Variants in ADAM23 observed in about 807,000 individuals in gnomAD.
ADAM23 encodes the protein disintegrin and metalloproteinase domain-containing protein 23.
In ADAM23, 33 loss-of-function variants were observed where a neutral mutation model predicts 120.1. That is an observed-to-expected ratio of 0.27 (90% CI 0.21 to 0.37). ADAM23 has a LOEUF of 0.37. Among genes scored for constraint, ADAM23 ranks in the 10% least tolerant of loss-of-function variants. ADAM23 has a pLI of 1.00. For missense variants in ADAM23, 862 were observed against 1,058.2 expected, an observed-to-expected ratio of 0.81 and a Z score of 2.57; for synonymous variants, 367 against 375.2, an observed-to-expected ratio of 0.98 and a Z score of 0.25.
At chr2:206,538,250 C>G (rs1697221261) in intron 4 of ADAM23, among the ~76,000 whole-genome samples, 1 of 151,952 alleles carries the variant, frequency 6.6e-6, no homozygotes, top group African/African-American at 2.4e-5. Context: ...CTCAAGTTCC[C>G]CAAGTCTCCA....
At chr2:206,468,305 T>C (rs1695582975) in intron 2 of ADAM23, among the ~76,000 whole-genome samples, 1 of 152,198 alleles carries the variant, frequency 6.6e-6, no homozygotes, top group Non-Finnish European at 1.5e-5. Context: ...ACATAAGTTC[T>C]AGTTTCAGTT....
intron 18 of ADAM23, among the ~76,000 whole-genome samples, chr2:206,578,891 C>A (rs540011306): frequency 1.3e-5 from 2 of 152,240 alleles, no homozygotes; most frequent in South Asian, 4.2e-4. Flanking sequence ...ACTGCATCCA[C>A]GCCAGTGTCT....
chr2:206,497,667 A>C (rs1696286592), intron 3 of ADAM23, among the ~76,000 whole-genome samples: 1 of 152,192 alleles, frequency 6.6e-6, no homozygotes, highest in Admixed American at 6.6e-5. Flanking sequence ...GTCAGGCAGG[A>C]GAAGGGAATA....
chr2:206,480,422 T>C (rs77081251), intron 2 of ADAM23, among the ~76,000 whole-genome samples: 12,653 of 151,636 alleles, frequency 0.083, 649 homozygotes, highest in Admixed American at 0.13. Flanking sequence ...CGTTAGTGAG[T>C]CAAGGAAGTA....
intron 2 of ADAM23, among the ~76,000 whole-genome samples, chr2:206,457,036 TTA>T (rs1469930903): frequency 6.6e-6 from 1 of 152,244 alleles, no homozygotes; most frequent in Admixed American, 6.5e-5. Flanking sequence ...ATGGGCTCCA[TTA>T]ACAATGTGAA....
At chr2:206,503,131 T>C (rs895425440) in intron 3 of ADAM23, among the ~76,000 whole-genome samples, 2 of 152,216 alleles carry the variant, frequency 1.3e-5, no homozygotes, top group African/African-American at 4.8e-5. Context: ...TGGGCCAGTG[T>C]GTACTTAATT....
intron 2 of ADAM23, among the ~76,000 whole-genome samples, chr2:206,477,033 T>A (rs1695789172): frequency 6.6e-6 from 1 of 152,224 alleles, no homozygotes; most frequent in Non-Finnish European, 1.5e-5. Flanking sequence ...TCTTCTTGTT[T>A]TTATGTCTAT....
intron 12 of ADAM23, 68 bp from the exon 13 acceptor site, chr2:206,562,135 A>C: frequency 7.4e-7 from 1 of 1,344,142 alleles, no homozygotes; most frequent in Non-Finnish European, 1.1e-6. Context: ...GGTAACAATT[A>C]AGAAATAATA....
At chr2:206,542,917 AAT>A (rs1697321728) in intron 5 of ADAM23, among the ~76,000 whole-genome samples, 1 of 152,234 alleles carries the variant, frequency 6.6e-6, no homozygotes, top group Non-Finnish European at 1.5e-5. Flanking sequence ...ATGGTTCTGG[AAT>A]AATTACTTTA....
At chr2:206,534,101 A>G (rs1004972516) in intron 4 of ADAM23, among the ~76,000 whole-genome samples, 13 of 152,214 alleles carry the variant, frequency 8.5e-5, no homozygotes, top group Admixed American at 2.0e-4. Context: ...GCATCCATCA[A>G]CATAATCTAA....
chr2:206,551,490 T>TA (rs1177581353), intron 9 of ADAM23, among the ~76,000 whole-genome samples: 1 of 152,206 alleles, frequency 6.6e-6, no homozygotes, highest in Non-Finnish European at 1.5e-5. Context: ...GAGAATCTTT[T>TA]AAAAAATGCA....
intron 6 of ADAM23, among the ~76,000 whole-genome samples, chr2:206,546,486 TAAG>T (rs1157513311): frequency 1.5e-4 from 23 of 152,304 alleles, no homozygotes; most frequent in East Asian, 9.6e-4. Flanking sequence ...TGTAACCTAT[TAAG>T]AAGTTTCTTT....
intron 3 of ADAM23, among the ~76,000 whole-genome samples, chr2:206,505,922 G>C (rs1696488206): frequency 6.6e-6 from 1 of 152,210 alleles, no homozygotes; most frequent in African/African-American, 2.4e-5. Flanking sequence ...AGGATATCCA[G>C]ATTTTCACCA....
chr2:206,475,270 AG>A (rs1490756805), intron 2 of ADAM23, among the ~76,000 whole-genome samples: 3 of 152,222 alleles, frequency 2.0e-5, no homozygotes, highest in African/African-American at 7.2e-5. Flanking sequence ...GTATCAATTT[AG>A]AATGAGGGAT....
rs1194053048 is a variant in ADAM23 at position 206,443,975 on chromosome 2, G to A, written c.109G>A (p.Ala37Thr). The A allele has an allele frequency of 2.2e-6, 3 of 1,365,048 alleles. No individual in the cohort carries two copies. The highest frequency in any genetic ancestry group is 2.8e-6 in the Non-Finnish European group (3 of 1,055,530). 84.6% of individuals were successfully genotyped at this position (1,365,048 alleles called of 1,614,324 possible). The change falls in exon 1 of 26, where the codon GCC (alanine) becomes ACC (threonine). Residue 37 changes from alanine (A) to threonine (T), a missense_variant. Transcript: ENST00000264377. The part of the protein sequence containing the change: ...RGPAGSVPAS[A>T]PARTPPCRLL... ...CCCCGCCGGCTCGGTGCCTGCCAGC[G>A]CCCCGGCCCGCACGCCGCCCTGCCG...
At chr2:206,500,589 A>G (rs1218768665) in intron 3 of ADAM23, among the ~76,000 whole-genome samples, 1 of 152,178 alleles carries the variant, frequency 6.6e-6, no homozygotes, top group African/African-American at 2.4e-5. Context: ...ACAGAGAAGC[A>G]TGGATGCCCA....
At chr2:206,616,740 G>A (rs1006536481) in intron 25 of ADAM23, among the ~76,000 whole-genome samples, 8 of 151,926 alleles carry the variant, frequency 5.3e-5, no homozygotes, top group South Asian at 2.1e-4. Flanking sequence ...CGTTGCACCC[G>A]CCCAGTATGC....
At chr2:206,487,220 A>G (rs1696032744) in intron 3 of ADAM23, among the ~76,000 whole-genome samples, 1 of 152,198 alleles carries the variant, frequency 6.6e-6, no homozygotes, top group Non-Finnish European at 1.5e-5. Context: ...TTCTACATTG[A>G]GGAGAAGAGG....
chr2:206,543,272 A>G lies in ADAM23; in HGVS notation c.676A>G (p.Thr226Ala), dbSNP rs752934422. Residue 226 changes from threonine to alanine, a missense_variant, in exon 6 of 26, where the codon ACC becomes GCC. This residue lies in a region of ADAM23 where 617 missense variants were observed against 813.5 expected (regional missense o/e 0.76). Transcript: ENST00000264377. ...NGLHGMFEDD[T>A]FVYMIEPLEL... ...TGCTAGTGGCATGTTTGAAGATGAT[A>G]CCTTCGTGTATATGATAGAGCCACT... The G allele has an allele frequency of 5.0e-6, 8 of 1,613,944 alleles. No individual in the cohort carries two copies. The highest frequency in any genetic ancestry group is 5.1e-6 in the Non-Finnish European group (6 of 1,179,936).
Sources: allele counts gnomAD v4.1 joint callset (sites outside exome capture counted in the v4.1 genomes callset), GRCh38; gene constraint gnomAD v4.1.1; regional missense constraint gnomAD v4.1.1; transcripts MANE v1.5; gene names NCBI Gene and HGNC (gene_info 2026-07-23, HGNC 2026-07-21).